SLCO1A2: variants seen among roughly 807,000 people sequenced by gnomAD.
SLCO1A2 encodes the protein solute carrier organic anion transporter family member 1A2, also known as OATP-1.
SLCO1A2 carries 67 observed loss-of-function variants against 69.0 expected under a neutral mutation model. The ratio of observed to expected loss-of-function variants is 0.97; its 90% CI spans 0.80 to 1.19. The LOEUF (loss-of-function observed/expected upper bound fraction) is 1.19, where lower values mean the gene tolerates loss of function less well. Among genes scored for constraint, SLCO1A2 ranks in the 50% most tolerant of loss-of-function variants. The pLI is 0.00. For synonymous variants in SLCO1A2, 260 were observed against 265.9 expected, an observed-to-expected ratio of 0.98 and a Z score of 0.22; for missense variants, 787 against 793.7, an observed-to-expected ratio of 0.99 and a Z score of 0.10.
intron 2 of SLCO1A2, among the ~76,000 whole-genome samples, chr12:21,322,944 C>G (rs766549636): frequency 3.9e-5 from 6 of 152,154 alleles, no homozygotes; most frequent in Non-Finnish European, 7.3e-5. Context: ...TTGTCTCATA[C>G]CATTGTGGGG....
intron 2 of SLCO1A2, among the ~76,000 whole-genome samples, chr12:21,345,530 T>C (rs1382035622): frequency 6.6e-6 from 1 of 152,106 alleles, no homozygotes; most frequent in African/African-American, 2.4e-5. Flanking sequence ...CATTATCAGT[T>C]CTAGGAATAG....
Position 21,297,560 on chromosome 12 carries a change from G to GT in SLCO1A2, c.918dup (p.Pro307ThrfsTer28). ...TTGCAGGAAAGACTTTTCATGAAAG[G>GT]TAGAAAATCTGAAATGAAAGAATGA... On this transcript the variant is annotated frameshift_variant, in exon 9 of 15. Transcript: ENST00000683939. LOFTEE classifies it high-confidence loss of function. The GT allele has an allele frequency of 6.4e-7, 1 of 1,564,170 alleles. No homozygotes were observed. Among genetic ancestry groups the GT allele is most frequent in the Non-Finnish European group, 8.7e-7 (1 of 1,146,880 alleles).
chr12:21,295,501 C>T, intron 10 of SLCO1A2, 96 bp downstream of exon 10: 6 of 774,770 alleles, frequency 7.7e-6, no homozygotes, highest in African/African-American at 1.7e-5. Flanking sequence ...TCATTAACTC[C>T]AATAAGAAAA....
chr12:21,309,268 T>C (rs547917914), intron 4 of SLCO1A2, among the ~76,000 whole-genome samples: 57 of 152,210 alleles, frequency 3.7e-4, no homozygotes, highest in African/African-American at 1.3e-3. Flanking sequence ...AACAGTGTTA[T>C]GAAAGAAGGT....
intron 2 of SLCO1A2, among the ~76,000 whole-genome samples, chr12:21,350,209 A>T (rs1040134426): frequency 6.6e-6 from 1 of 151,982 alleles, no homozygotes; most frequent in Non-Finnish European, 1.5e-5. Flanking sequence ...TAGTCTTAAG[A>T]CTTATGTATA....
intron 1 of SLCO1A2, among the ~76,000 whole-genome samples, chr12:21,412,147 A>G (rs1013574088): frequency 6.6e-6 from 1 of 152,152 alleles, no homozygotes; most frequent in Non-Finnish European, 1.5e-5. Flanking sequence ...TTGGGAGGCC[A>G]AGGCGGGCGG....
At chr12:21,412,235 G>T (rs1941918438) in intron 1 of SLCO1A2, among the ~76,000 whole-genome samples, 1 of 151,990 alleles carries the variant, frequency 6.6e-6, no homozygotes, top group Admixed American at 6.5e-5. Flanking sequence ...ACAAAAATTA[G>T]CTGGGCATGG....
chr12:21,305,215 A>G (rs1949214208), intron 5 of SLCO1A2, among the ~76,000 whole-genome samples: 1 of 152,330 alleles, frequency 6.6e-6, no homozygotes, highest in East Asian at 1.9e-4. Context: ...TGCTTAGTAG[A>G]GTAACAAAGA....
chr12:21,388,033 C>CT (rs1269235270), intron 1 of SLCO1A2, among the ~76,000 whole-genome samples: 1 of 152,168 alleles, frequency 6.6e-6, no homozygotes, highest in Non-Finnish European at 1.5e-5. Context: ...TATGTTGGGC[C>CT]TGTAGCCCCT....
intron 12 of SLCO1A2, among the ~76,000 whole-genome samples, chr12:21,280,324 G>T (rs1484727998): frequency 6.6e-6 from 1 of 151,956 alleles, no homozygotes; most frequent in African/African-American, 2.4e-5. Flanking sequence ...CCAATAATCT[G>T]TTGTCTACTA....
chr12:21,347,640 C>T (rs1051312388), intron 2 of SLCO1A2, among the ~76,000 whole-genome samples: 7 of 55,306 alleles, frequency 1.3e-4, no homozygotes, highest in Non-Finnish European at 2.3e-4. Flanking sequence ...GCAATTCCAA[C>T]TCTGGAAAGA....
chr12:21,364,357 C>T (rs1235412405), intron 2 of SLCO1A2, among the ~76,000 whole-genome samples: 1 of 152,152 alleles, frequency 6.6e-6, no homozygotes. Flanking sequence ...GCTCTTCATG[C>T]TGAAAACTCT....
At chr12:21,412,034 A>T (rs1941914794) in intron 1 of SLCO1A2, among the ~76,000 whole-genome samples, 2 of 152,096 alleles carry the variant, frequency 1.3e-5, no homozygotes, top group Non-Finnish European at 2.9e-5. Flanking sequence ...TTTTCTTAAT[A>T]TGTTTTAAAA....
chr12:21,314,410 T>C (rs1950610048), intron 4 of SLCO1A2, 139 bp downstream of exon 4: 2 of 874,472 alleles, frequency 2.3e-6, no homozygotes, highest in South Asian at 2.0e-5. Flanking sequence ...AATAGACAGA[T>C]GGAACAGAAT....
chr12:21,341,949 G>A (rs1184216755), intron 2 of SLCO1A2, among the ~76,000 whole-genome samples: 1 of 151,942 alleles, frequency 6.6e-6, no homozygotes, highest in Non-Finnish European at 1.5e-5. Context: ...ATGAGGCATG[G>A]GATGAGGATT....
intron 5 of SLCO1A2, among the ~76,000 whole-genome samples, chr12:21,305,120 T>C (rs888555444): frequency 6.6e-6 from 1 of 152,232 alleles, no homozygotes; most frequent in African/African-American, 2.4e-5. Context: ...GTAATCATCA[T>C]AGGTTCTCTA....
intron 1 of SLCO1A2, among the ~76,000 whole-genome samples, chr12:21,408,483 A>G (rs1449495472): frequency 6.6e-6 from 1 of 152,136 alleles, no homozygotes; most frequent in Non-Finnish European, 1.5e-5. Context: ...CTACTTTACC[A>G]CACATAATGT....
At chr12:21,347,784 T>C (rs894212689) in intron 2 of SLCO1A2, among the ~76,000 whole-genome samples, 2 of 152,148 alleles carry the variant, frequency 1.3e-5, no homozygotes, top group Non-Finnish European at 2.9e-5. Flanking sequence ...ATAGCACTTA[T>C]ATGTCAAAAA....
chr12:21,334,757 A>G, intron 1 of SLCO1A2, 48 bp from the exon 2 acceptor site: 1 of 834,242 alleles, frequency 1.2e-6, no homozygotes, highest in Non-Finnish European at 1.9e-6. Flanking sequence ...AAAATTGTAA[A>G]GCATCATTCT....
Sources: gnomAD v4.1 joint callset for allele counts (sites outside exome capture counted in the v4.1 genomes callset) on GRCh38, gnomAD v4.1.1 for gene constraint, MANE v1.5 for transcripts, NCBI Gene and HGNC (gene_info 2026-07-23, HGNC 2026-07-21) for gene names.